Variants in NRXN3 observed in about 807,000 individuals in gnomAD.
NRXN3 encodes neurexin III.
A neutral mutation model predicts 137.6 loss-of-function variants in NRXN3; 32 were observed. The ratio of observed to expected loss-of-function variants is 0.23; its 90% confidence interval spans 0.18 to 0.31. The LOEUF is 0.31. Among genes scored for constraint, NRXN3 ranks in the 10% least tolerant of loss-of-function variants. NRXN3 has a pLI of 1.00. For synonymous variants in NRXN3, 798 were observed against 784.5 expected, an observed-to-expected ratio of 1.02 and a Z score of -0.29; for missense variants, 1,574 against 2,062.5, an observed-to-expected ratio of 0.76 and a Z score of 4.59.
chr14:78,273,938 G>C (rs949703309), intron 2 of NRXN3, among the ~76,000 whole-genome samples: 2 of 152,198 alleles, frequency 1.3e-5, no homozygotes, highest in African/African-American at 4.8e-5. Flanking sequence ...AGTTCACCAG[G>C]TGGGGTCCCA....
intron 15 of NRXN3, among the ~76,000 whole-genome samples, chr14:79,332,485 A>C (rs949914692): frequency 6.6e-6 from 1 of 152,118 alleles, no homozygotes; most frequent in Admixed American, 6.5e-5. Flanking sequence ...ATGTCTAGTG[A>C]ACTTCTACTC....
At chr14:79,080,031 C>A (rs2046664605) in intron 15 of NRXN3, among the ~76,000 whole-genome samples, 1 of 152,042 alleles carries the variant, frequency 6.6e-6, no homozygotes, top group African/African-American at 2.4e-5. Flanking sequence ...TAACAAGGAG[C>A]TGTTAGTGTA....
chr14:78,412,165 T>C (rs2092872701), intron 4 of NRXN3, among the ~76,000 whole-genome samples: 1 of 152,202 alleles, frequency 6.6e-6, no homozygotes, highest in Non-Finnish European at 1.5e-5. Flanking sequence ...GAGTGACATT[T>C]CCTGACTCAC....
At chr14:79,412,250 G>C (rs116051411) in intron 15 of NRXN3, among the ~76,000 whole-genome samples, 1 of 152,058 alleles carries the variant, frequency 6.6e-6, no homozygotes, top group African/African-American at 2.4e-5. Flanking sequence ...AAAAAATAAG[G>C]AGGCATAAGA....
intron 7 of NRXN3, among the ~76,000 whole-genome samples, chr14:78,710,709 G>GT (rs2152835948): frequency 6.6e-6 from 1 of 152,334 alleles, no homozygotes; most frequent in Admixed American, 6.5e-5. Flanking sequence ...AACTGGGAGT[G>GT]ACTGAGCTTT....
chr14:78,195,004 G>A (rs1294528604), intron 1 of NRXN3, among the ~76,000 whole-genome samples: 1 of 152,198 alleles, frequency 6.6e-6, no homozygotes, highest in African/African-American at 2.4e-5. Context: ...ACATTTCAGA[G>A]GTGTTAAGAA....
intron 6 of NRXN3, among the ~76,000 whole-genome samples, chr14:78,691,087 A>G (rs530171705): frequency 3.3e-5 from 5 of 152,214 alleles, no homozygotes; most frequent in Admixed American, 6.5e-5. Flanking sequence ...GAAAGTGTAC[A>G]GTCAGGAAAC....
intron 15 of NRXN3, among the ~76,000 whole-genome samples, chr14:79,323,113 A>G (rs1210817018): frequency 6.6e-6 from 1 of 152,182 alleles, no homozygotes; most frequent in Non-Finnish European, 1.5e-5. Context: ...AGCTCACTGC[A>G]GCCTTGAACT....
chr14:79,044,153 A>G (rs1210332641), intron 15 of NRXN3, among the ~76,000 whole-genome samples: 1 of 152,250 alleles, frequency 6.6e-6, no homozygotes, highest in Non-Finnish European at 1.5e-5. Flanking sequence ...AATTACGCTC[A>G]GTAAGATAAG....
chr14:79,272,954 C>T (rs748244711), intron 15 of NRXN3, among the ~76,000 whole-genome samples: 11 of 151,874 alleles, frequency 7.2e-5, no homozygotes, highest in African/African-American at 2.4e-5. Context: ...GAGCGGATCA[C>T]GAGGTCAGGA....
intron 16 of NRXN3, among the ~76,000 whole-genome samples, chr14:79,567,115 T>C (rs1463897638): frequency 1.3e-5 from 2 of 152,066 alleles, no homozygotes; most frequent in Non-Finnish European, 2.9e-5. Context: ...CATTCTTTGT[T>C]GCATCCAAGT....
At chr14:78,950,763 A>G (rs2099385614) in intron 10 of NRXN3, among the ~76,000 whole-genome samples, 1 of 152,178 alleles carries the variant, frequency 6.6e-6, no homozygotes, top group African/African-American at 2.4e-5. Context: ...ATAAATTAAC[A>G]CTATTCTAAG....
At chr14:78,371,708 G>C (rs2086861250) in intron 4 of NRXN3, among the ~76,000 whole-genome samples, 1 of 152,346 alleles carries the variant, frequency 6.6e-6, no homozygotes, top group African/African-American at 2.4e-5. Context: ...TGAATCCAGA[G>C]GGTTTGAGCA....
At chr14:79,051,580 T>C (rs1317981042) in intron 15 of NRXN3, among the ~76,000 whole-genome samples, 2 of 152,204 alleles carry the variant, frequency 1.3e-5, no homozygotes, top group Admixed American at 6.5e-5. Flanking sequence ...ACATTTATGC[T>C]TAGCTATTTC....
At chr14:78,882,790 T>C (rs1331461189) in intron 10 of NRXN3, among the ~76,000 whole-genome samples, 1 of 151,538 alleles carries the variant, frequency 6.6e-6, no homozygotes, top group East Asian at 1.9e-4. Flanking sequence ...GTGATCATGT[T>C]TTGAATTGTG....
chr14:79,440,321 T>C (rs1166210266), intron 15 of NRXN3, among the ~76,000 whole-genome samples: 2 of 152,224 alleles, frequency 1.3e-5, no homozygotes, highest in African/African-American at 2.4e-5. Flanking sequence ...CTCAGTTTTC[T>C]TATCTTTAAA....
At chr14:79,014,854 C>T (rs906511700) in intron 15 of NRXN3, among the ~76,000 whole-genome samples, 10 of 152,220 alleles carry the variant, frequency 6.6e-5, no homozygotes, top group Admixed American at 2.0e-4. Flanking sequence ...CTTTGATGCC[C>T]TTGGGGGCTT....
chr14:78,250,570 C>A (rs977996206), intron 2 of NRXN3, among the ~76,000 whole-genome samples: 1 of 152,198 alleles, frequency 6.6e-6, no homozygotes, highest in Non-Finnish European at 1.5e-5. Context: ...GTTATGACTG[C>A]GGGATGGGAT....
At chr14:79,526,916 T>G (rs1167021618) in intron 16 of NRXN3, among the ~76,000 whole-genome samples, 1 of 152,170 alleles carries the variant, frequency 6.6e-6, no homozygotes, top group Non-Finnish European at 1.5e-5. Context: ...TAAGCCACAG[T>G]TTAAGACAGC....
Sources: allele counts gnomAD v4.1 joint callset (sites outside exome capture counted in the v4.1 genomes callset), GRCh38; gene constraint gnomAD v4.1.1; transcripts MANE v1.5; gene names NCBI Gene and HGNC (gene_info 2026-07-23, HGNC 2026-07-21).